Variants in NFILZ observed in about 807,000 individuals in gnomAD.
NFILZ encodes the protein NFIL3 like basic leucine zipper.
At chr19:8,656,576 C>T (rs1417870321) in intron 3 of NFILZ, among the ~76,000 whole-genome samples, 2 of 151,320 alleles carry the variant, frequency 1.3e-5, no homozygotes, top group African/African-American at 4.9e-5. Flanking sequence ...TGGCTCCAAC[C>T]TCCTGTCCTG....
rs1343129910 is a variant in NFILZ at position 8,680,444 on chromosome 19, G to T, written c.*2809G>T. Among the ~76,000 whole-genome samples the T allele has an allele frequency of 2.0e-5, 3 of 152,054 alleles. No homozygotes were observed. The highest frequency in any genetic ancestry group is 4.4e-5 in the Non-Finnish European group (3 of 68,026). On this transcript the variant is annotated 3_prime_UTR_variant, in exon 6 of 6. Coordinates refer to ENST00000691075, the MANE Select transcript of NFILZ (RefSeq NM_001378600.1). ...TCTGAAAATCATATGCAGCCGAGTTGGCAGTCTTTTCTTTTGTGGTTTGTA... is the reference window on the plus strand; with the variant it reads ...TCTGAAAATCATATGCAGCCGAGTTTGCAGTCTTTTCTTTTGTGGTTTGTA...
At chr19:8,637,276 C>A (rs1487458282) in intron 3 of NFILZ, among the ~76,000 whole-genome samples, 1 of 151,864 alleles carries the variant, frequency 6.6e-6, no homozygotes, top group Non-Finnish European at 1.5e-5. Context: ...ATCCAGGAGG[C>A]AGAGATTGTA....
At chr19:8,663,754 G>GTGTGTGTATGTGTGTGTATGTGTGTA (rs1555674963) in intron 3 of NFILZ, among the ~76,000 whole-genome samples, 14 of 117,564 alleles carry the variant, frequency 1.2e-4, no homozygotes, top group African/African-American at 2.4e-4. Context: ...GTGTGTGTGT[G>GTGTGTGTATGTGTGTGTATGTGTGTA]TGTGTGTGTG....
intron 3 of NFILZ, among the ~76,000 whole-genome samples, chr19:8,645,658 G>A (rs1380280685): frequency 1.2e-4 from 18 of 152,124 alleles, no homozygotes; most frequent in Admixed American, 1.1e-3. Context: ...AGAGACCCTC[G>A]AGCTGGCCCT....
At chr19:8,675,656 A>G (rs886757557) in intron 4 of NFILZ, among the ~76,000 whole-genome samples, 6 of 152,214 alleles carry the variant, frequency 3.9e-5, no homozygotes, top group Admixed American at 3.3e-4. Flanking sequence ...AGTCCCAGCT[A>G]CTTGGGAAGC....
chr19:8,656,478 CCCGCAGCCCA>C lies in NFILZ; in HGVS notation c.-163-18070_-163-18061del, dbSNP rs2043002418. 1.9e-3 allele frequency among the ~76,000 whole-genome samples: 146 copies of C among 76,006 alleles called. 2 individuals carry two copies. The highest frequency in any genetic ancestry group is 7.5e-3 in the Middle Eastern group (1 of 134). The allele number at this position is 76,006 out of a possible 152,430, so 49.9% of individuals were successfully genotyped here. On this transcript the variant is annotated intron_variant, in intron 3 of 5. Coordinates refer to ENST00000691075, the MANE Select transcript of NFILZ (RefSeq NM_001378600.1). ...ACCTTCTCTCTGAAGCCCACCTTCT[CCCGCAGCCCA>C]CCTTCTCCCGCAGCCCACCTTCTCC...
At chr19:8,672,993 G>T (rs937663671) in intron 3 of NFILZ, among the ~76,000 whole-genome samples, 5 of 152,108 alleles carry the variant, frequency 3.3e-5, no homozygotes, top group African/African-American at 1.2e-4. Flanking sequence ...TGGGGGCCCA[G>T]GTGGGATAGA....
At chr19:8,646,429 G>A (rs560121819) in intron 3 of NFILZ, among the ~76,000 whole-genome samples, 53 of 152,268 alleles carry the variant, frequency 3.5e-4, no homozygotes, top group East Asian at 2.9e-3. Flanking sequence ...CACAGCTGGC[G>A]TGGCCAGAAC....
intron 3 of NFILZ, among the ~76,000 whole-genome samples, chr19:8,636,158 T>A (rs771476790): frequency 7.2e-5 from 11 of 151,762 alleles, no homozygotes; most frequent in South Asian, 2.1e-4. Context: ...TTTAAAAAAA[T>A]TTTATTTTCG....
chr19:8,654,762 G>C (rs1230759514), intron 3 of NFILZ, among the ~76,000 whole-genome samples: 3 of 152,182 alleles, frequency 2.0e-5, no homozygotes, highest in Non-Finnish European at 4.4e-5. Flanking sequence ...GCCTAGGCCG[G>C]CTCAGCGACT....
In NFILZ at chr19:8,680,332, T is replaced by G. The variant is rs2043140638; in HGVS notation, c.*2697T>G. 2.0e-5 allele frequency among the ~76,000 whole-genome samples: 3 copies of G among 152,180 alleles called. No homozygotes were observed. Among genetic ancestry groups the G allele is most frequent in the Admixed American group, 2.0e-4 (3 of 15,270 alleles). On this transcript the variant is annotated 3_prime_UTR_variant, in exon 6 of 6. Coordinates refer to ENST00000691075, the MANE Select transcript of NFILZ (RefSeq NM_001378600.1). ...ATTCATTCATTCATTCATTCATTTTTTAATTCATTTGCTTATTTAGCAAAT... is the reference window on the plus strand; with the variant it reads ...ATTCATTCATTCATTCATTCATTTTGTAATTCATTTGCTTATTTAGCAAAT...
At chr19:8,650,482 C>T (rs1407093856) in intron 3 of NFILZ, among the ~76,000 whole-genome samples, 2 of 151,708 alleles carry the variant, frequency 1.3e-5, no homozygotes, top group African/African-American at 2.4e-5. Flanking sequence ...TGGCAAAACC[C>T]GTCTCTACTA....
chr19:8,650,114 G>GC (rs1568419852), intron 3 of NFILZ, among the ~76,000 whole-genome samples: 2 of 139,570 alleles, frequency 1.4e-5, no homozygotes, highest in African/African-American at 5.2e-5. Context: ...GACTCCGTCT[G>GC]AAAAAAAAAA....
intron 3 of NFILZ, among the ~76,000 whole-genome samples, chr19:8,663,748 G>GTGTGTATGTGTA (rs2043046753): frequency 7.2e-6 from 1 of 139,376 alleles, no homozygotes; most frequent in Non-Finnish European, 1.5e-5. Context: ...GTGTGTGTGT[G>GTGTGTATGTGTA]TGTGTGTGTG....
chr19:8,647,921 C>T lies in NFILZ; in HGVS notation c.-164+12175C>T, dbSNP rs373040116. On this transcript the variant is annotated intron_variant, in intron 3 of 5. Transcript: ENST00000691075. ...GGTGCGGTGGCTCGTGCCTGTAATC[C>T]CAGCACTTTGGGAGGCCGAGGCGGG... is the stretch of plus-strand genomic sequence containing the variant. Among the ~76,000 whole-genome samples, 4 of 151,384 alleles carry T rather than the reference C, an allele frequency of 2.6e-5. No individual in the cohort carries two copies. In the South Asian group the frequency reaches 6.2e-4, roughly 24 times the overall value.
intron 3 of NFILZ, among the ~76,000 whole-genome samples, chr19:8,640,981 C>T (rs879970753): frequency 2.0e-5 from 3 of 152,098 alleles, no homozygotes; most frequent in African/African-American, 4.8e-5. Context: ...TTCAATGCCT[C>T]GGTAATATGG....
intron 3 of NFILZ, among the ~76,000 whole-genome samples, chr19:8,650,506 T>C (rs2042960321): frequency 6.6e-6 from 1 of 151,760 alleles, no homozygotes; most frequent in African/African-American, 2.4e-5. Flanking sequence ...ATACAAAAAT[T>C]AGCCGGGCGT....
chr19:8,646,086 G>A lies in NFILZ; in HGVS notation c.-164+10340G>A, dbSNP rs1260626611. On this transcript the variant is annotated intron_variant, in intron 3 of 5. Coordinates refer to ENST00000691075, the MANE Select transcript of NFILZ (RefSeq NM_001378600.1). ...GACTCTTGCTCTGTTGCCCAGGCTGGAGTCCAGTGGCGCGATCTCGGCTCA... is the reference window on the plus strand; with the variant it reads ...GACTCTTGCTCTGTTGCCCAGGCTGAAGTCCAGTGGCGCGATCTCGGCTCA... Among the ~76,000 whole-genome samples the A allele has an allele frequency of 2.6e-5, 4 of 151,922 alleles. No homozygotes were observed. The East Asian group carries it at 7.7e-4, about 29-fold the overall frequency.
intron 3 of NFILZ, among the ~76,000 whole-genome samples, chr19:8,656,337 CCTGAAG>C (rs2042996313): frequency 8.4e-5 from 5 of 59,236 alleles, no homozygotes; most frequent in African/African-American, 2.6e-4. Flanking sequence ...CCCCCTTCTT[CCTGAAG>C]CCCACCTCTT....
Sources: gnomAD v4.1 joint callset for allele counts (sites outside exome capture counted in the v4.1 genomes callset) on GRCh38, gnomAD v4.1.1 for gene constraint, MANE v1.5 for transcripts, NCBI Gene and HGNC (gene_info 2026-07-23, HGNC 2026-07-21) for gene names.